The following SMYD3 variants were observed in gnomAD, a reference collection of about 807,000 sequenced individuals.
The protein encoded by SMYD3 is SET and MYND domain containing 3.
SMYD3 carries 36 observed loss-of-function variants against 57.7 expected under a neutral mutation model. The ratio of observed to expected loss-of-function variants is 0.62; its 90% confidence interval spans 0.48 to 0.82. The LOEUF is 0.82. Ranked by LOEUF, SMYD3 falls within the 40% of genes least tolerant of loss-of-function variation. The probability of loss-of-function intolerance (pLI) is 0.00; values close to 1 mark genes in which losing one functional copy is unlikely to be tolerated. For missense variants in SMYD3, 515 were observed against 538.8 expected (o/e 0.96, Z 0.44); for synonymous variants, 211 against 195.0 (o/e 1.08, Z -0.68).
chr1:246,041,095 C>T (rs2059863395), intron 5 of SMYD3, among the ~76,000 whole-genome samples: 1 of 152,164 alleles, frequency 6.6e-6, no homozygotes, highest in Non-Finnish European at 1.5e-5. Context: ...GTTAAAATTG[C>T]CTCAGCATTC....
chr1:246,364,624 A>T (rs1197176274), intron 1 of SMYD3, among the ~76,000 whole-genome samples: 1 of 152,232 alleles, frequency 6.6e-6, no homozygotes, highest in Non-Finnish European at 1.5e-5. Context: ...CCTATAGAGA[A>T]TCAGAACTTG....
At chr1:246,058,465 C>A (rs1462547374) in intron 5 of SMYD3, among the ~76,000 whole-genome samples, 3 of 152,174 alleles carry the variant, frequency 2.0e-5, no homozygotes, top group African/African-American at 7.2e-5. Flanking sequence ...AAAGAAAACC[C>A]CATTCAGTAA....
chr1:246,071,135 CAT>C (rs2060434891), intron 5 of SMYD3, among the ~76,000 whole-genome samples: 1 of 152,072 alleles, frequency 6.6e-6, no homozygotes, highest in South Asian at 2.1e-4. Context: ...ATGTAATAAA[CAT>C]AGATATCTAA....
At chr1:246,261,867 C>T (rs2064020044) in intron 5 of SMYD3, among the ~76,000 whole-genome samples, 2 of 152,194 alleles carry the variant, frequency 1.3e-5, no homozygotes, top group Admixed American at 1.3e-4. Flanking sequence ...TTTCTTGTCA[C>T]TCAGCTTTAT....
intron 5 of SMYD3, among the ~76,000 whole-genome samples, chr1:246,037,250 G>A (rs2059792612): frequency 6.6e-6 from 1 of 152,060 alleles, no homozygotes; most frequent in South Asian, 2.1e-4. Flanking sequence ...TATCTATATA[G>A]TACCTGTTTC....
At chr1:245,848,242 T>C (rs1451674240) in intron 10 of SMYD3, among the ~76,000 whole-genome samples, 1 of 151,716 alleles carries the variant, frequency 6.6e-6, no homozygotes, top group Non-Finnish European at 1.5e-5. Context: ...TAGCTGGAAC[T>C]ATAGGCTTGA....
intron 5 of SMYD3, among the ~76,000 whole-genome samples, chr1:246,002,291 T>C (rs1235281367): frequency 8.6e-6 from 1 of 116,388 alleles, no homozygotes; most frequent in Non-Finnish European, 1.9e-5. Context: ...TTCACGCCAT[T>C]CTCCTGCCTC....
chr1:246,168,859 A>G (rs2062270078), intron 5 of SMYD3, among the ~76,000 whole-genome samples: 1 of 152,084 alleles, frequency 6.6e-6, no homozygotes, highest in Non-Finnish European at 1.5e-5. Flanking sequence ...AAAACAAATG[A>G]TGCCTATACA....
intron 1 of SMYD3, among the ~76,000 whole-genome samples, chr1:246,356,354 A>G (rs1026768210): frequency 1.3e-5 from 2 of 152,188 alleles, no homozygotes; most frequent in Non-Finnish European, 2.9e-5. Context: ...AGGAACCAGA[A>G]AAACAATTCT....
chr1:246,295,643 G>T (rs1366999378), intron 5 of SMYD3, among the ~76,000 whole-genome samples: 1 of 152,048 alleles, frequency 6.6e-6, no homozygotes, highest in Non-Finnish European at 1.5e-5. Context: ...AGTATCTGTT[G>T]GACCAAAACC....
intron 4 of SMYD3, among the ~76,000 whole-genome samples, chr1:246,329,285 G>A (rs1404203829): frequency 6.6e-6 from 1 of 152,176 alleles, no homozygotes; most frequent in Non-Finnish European, 1.5e-5. Context: ...CACAATGGGT[G>A]AACTAGTTTA....
intron 1 of SMYD3, among the ~76,000 whole-genome samples, chr1:246,497,511 C>T (rs1474768546): frequency 6.6e-6 from 1 of 152,158 alleles, no homozygotes; most frequent in Non-Finnish European, 1.5e-5. Flanking sequence ...GGGAGCATCA[C>T]ATCTGATTAA....
At chr1:245,779,077 T>C (rs1209127278) in intron 10 of SMYD3, among the ~76,000 whole-genome samples, 1 of 151,066 alleles carries the variant, frequency 6.6e-6, no homozygotes, top group Non-Finnish European at 1.5e-5. Context: ...CAAGAATCAC[T>C]TGAACCCAGA....
chr1:245,907,095 G>C lies in SMYD3; in HGVS notation c.813+8435C>G, dbSNP rs769410895. 6.8e-4 allele frequency among the ~76,000 whole-genome samples: 104 copies of C among 152,254 alleles called. 1 individual carries two copies. In the Middle Eastern group the frequency reaches 0.024, roughly 35 times the overall value. ...CGTACGTGGTTTACAGGGGACGTGAGGATGGTTAATGGGGACAACAGAAAT... is the reference window on the plus strand; with the variant it reads ...CGTACGTGGTTTACAGGGGACGTGACGATGGTTAATGGGGACAACAGAAAT... On this transcript the variant is annotated intron_variant, in intron 8 of 11. Coordinates refer to ENST00000490107, the MANE Select transcript of SMYD3 (RefSeq NM_001167740.2).
chr1:246,242,249 C>A (rs375818064), intron 5 of SMYD3, among the ~76,000 whole-genome samples: 1 of 152,176 alleles, frequency 6.6e-6, no homozygotes, highest in South Asian at 2.1e-4. Flanking sequence ...TTTCCCTCTA[C>A]ACACTGCTTT....
At chr1:246,455,853 T>C (rs1472886182) in intron 1 of SMYD3, among the ~76,000 whole-genome samples, 4 of 152,224 alleles carry the variant, frequency 2.6e-5, no homozygotes, top group African/African-American at 4.8e-5. Context: ...GCTGCTGATA[T>C]GAATTAAAGG....
chr1:245,869,532 CT>C (rs1426863889), intron 8 of SMYD3, among the ~76,000 whole-genome samples: 2 of 152,134 alleles, frequency 1.3e-5, no homozygotes, highest in Non-Finnish European at 2.9e-5. Flanking sequence ...CGGAGAAGTC[CT>C]TCAAAAGCCT....
chr1:246,035,716 G>T (rs1162513854), intron 5 of SMYD3: 1 of 152,108 alleles, frequency 6.6e-6, no homozygotes, highest in Non-Finnish European at 1.5e-5. Context: ...CTGAAAATCA[G>T]TCTGCAACAT....
intron 10 of SMYD3, among the ~76,000 whole-genome samples, chr1:245,823,437 G>T (rs1160516621): frequency 6.6e-6 from 1 of 152,200 alleles, no homozygotes; most frequent in Non-Finnish European, 1.5e-5. Context: ...AATGAAAGAA[G>T]GGCACATCCT....
Sources: gnomAD v4.1 joint callset for allele counts (sites outside exome capture counted in the v4.1 genomes callset) on GRCh38, gnomAD v4.1.1 for gene constraint, MANE v1.5 for transcripts, NCBI Gene and HGNC (gene_info 2026-07-23, HGNC 2026-07-21) for gene names.